Variants in NDUFAF6 observed in about 807,000 individuals in gnomAD.
The protein encoded by NDUFAF6 is NADH:ubiquinone oxidoreductase complex assembly factor 6.
NDUFAF6 carries 45 observed loss-of-function variants against 40.8 expected under a neutral mutation model. The observed-to-expected ratio is 1.10, with a 90% CI of 0.87 to 1.42. The LOEUF (loss-of-function observed/expected upper bound fraction) is 1.42. Ranked by LOEUF, NDUFAF6 falls within the 40% of genes most tolerant of loss-of-function variation. The pLI, the probability that NDUFAF6 is intolerant of heterozygous loss-of-function variation, is 0.00. For missense variants in NDUFAF6, 435 were observed against 418.5 expected (o/e 1.04, Z -0.34); for synonymous variants, 185 against 155.9 (o/e 1.19, Z -1.39).
At chr8:94,966,715 C>T (rs925581144) in intron 1 of NDUFAF6, among the ~76,000 whole-genome samples, 4 of 152,216 alleles carry the variant, frequency 2.6e-5, no homozygotes, top group African/African-American at 9.6e-5. Flanking sequence ...CACTCAGGCT[C>T]TCTTTTTCTT....
At chr8:94,955,661 GAAAAT>G (rs1823014065), upstream of NDUFAF6, among the ~76,000 whole-genome samples, 1 of 152,148 alleles carries the variant, frequency 6.6e-6, no homozygotes. Context: ...GATTTTAAAA[GAAAAT>G]AAAAGGAAAA....
chr8:95,101,825 T>C (rs925686790), intron 2 of NDUFAF6, among the ~76,000 whole-genome samples: 2 of 152,154 alleles, frequency 1.3e-5, no homozygotes, highest in Non-Finnish European at 2.9e-5. Flanking sequence ...AATTGGCTTC[T>C]GTAACTGAAA....
At chr8:95,028,945 G>A (rs755185204) in intron 1 of NDUFAF6, among the ~76,000 whole-genome samples, 1 of 152,178 alleles carries the variant, frequency 6.6e-6, no homozygotes, top group Non-Finnish European at 1.5e-5. Context: ...TTCCCCAAAG[G>A]TGAAACTGCT....
intron 1 of NDUFAF6, among the ~76,000 whole-genome samples, chr8:94,902,495 G>C (rs1818089369): frequency 6.6e-6 from 1 of 151,298 alleles, no homozygotes. Flanking sequence ...CTCTTATCAA[G>C]TTGTGGAACA....
At chr8:95,013,249 AC>A (rs1827299798) in intron 2 of NDUFAF6, among the ~76,000 whole-genome samples, 1 of 152,076 alleles carries the variant, frequency 6.6e-6, no homozygotes, top group Admixed American at 6.6e-5. Flanking sequence ...ACAGGTGTAC[AC>A]CACCACACCT....
chr8:94,928,131 T>A (rs1196926399), intron 1 of NDUFAF6: 1 of 152,094 alleles, frequency 6.6e-6, no homozygotes, highest in Non-Finnish European at 1.5e-5. Context: ...GGTGGTGTGG[T>A]AATCCCAACC....
At position 94,985,661 on chromosome 8, in the gene NDUFAF6, G is replaced by A. The variant is rs527903450; in HGVS notation, c.-84+4688G>A. ...AGCAATTCTCCTGCCTCAGCCTTCCGAGTAGGTGGGATTACAGGCATGCAC... is the reference window on the plus strand; with the variant it reads ...AGCAATTCTCCTGCCTCAGCCTTCCAAGTAGGTGGGATTACAGGCATGCAC... On this transcript the variant is annotated intron_variant, in intron 2 of 9. Coordinates refer to the NDUFAF6 transcript ENST00000396111. 2.0e-3 allele frequency among the ~76,000 whole-genome samples: 265 copies of A among 134,898 alleles called. 2 individuals carry two copies. Among genetic ancestry groups the A allele is most frequent in the Non-Finnish European group, 3.4e-3 (213 of 62,604 alleles). The allele number at this position is 134,898 out of a possible 152,430, so 88.5% of individuals were successfully genotyped here. A position where few individuals can be genotyped will look rare whatever the true frequency, so the allele number is the denominator to read the frequency against.
intron 2 of NDUFAF6, among the ~76,000 whole-genome samples, chr8:95,001,802 G>A (rs1405326733): frequency 1.3e-5 from 2 of 152,212 alleles, no homozygotes; most frequent in African/African-American, 4.8e-5. Flanking sequence ...TTTGGTTTGA[G>A]TCATTCACAG....
At chr8:94,943,314 T>G (rs1821718647) in intron 1 of NDUFAF6, among the ~76,000 whole-genome samples, 1 of 152,132 alleles carries the variant, frequency 6.6e-6, no homozygotes, top group Non-Finnish European at 1.5e-5. Context: ...CAAAATAACC[T>G]GTTTCTACAA....
chr8:95,091,144 G>A (rs184140180), intron 2 of NDUFAF6, among the ~76,000 whole-genome samples: 1 of 152,100 alleles, frequency 6.6e-6, no homozygotes, highest in East Asian at 1.9e-4. Context: ...AACACCTGCT[G>A]TATTAGTCCG....
At chr8:95,000,632 CA>C (rs567449511) in intron 2 of NDUFAF6, among the ~76,000 whole-genome samples, 2,275 of 114,156 alleles carry the variant, frequency 0.02, 31 homozygotes, top group African/African-American at 0.05. Context: ...ACATAGTAAG[CA>C]AAAAAAAAAA....
chr8:94,962,675 C>T (rs1471051131), intron 1 of NDUFAF6, among the ~76,000 whole-genome samples: 2 of 151,058 alleles, frequency 1.3e-5, no homozygotes, highest in Non-Finnish European at 2.9e-5. Context: ...TACAGTGGTG[C>T]GACCATAGCT....
chr8:94,917,851 G>T (rs1032506381), intron 1 of NDUFAF6, among the ~76,000 whole-genome samples: 1 of 152,080 alleles, frequency 6.6e-6, no homozygotes, highest in African/African-American at 2.4e-5. Context: ...TATTCAGTTT[G>T]CTTTAAGAAT....
chr8:94,974,586 T>C (rs1369688925), intron 1 of NDUFAF6: 1 of 152,286 alleles, frequency 6.6e-6, no homozygotes, highest in African/African-American at 2.4e-5. Context: ...ATGCTGCAGA[T>C]AGGAACCCCA....
rs192542596 is a variant in NDUFAF6 at position 94,898,554 on chromosome 8, T to C, written c.-936+2627T>C. The stretch of plus-strand genomic sequence containing the variant: ...GAGTTCATACCGACATCATGATTTA[T>C]TACTGTTGATGTTGATCTTGACCGC... On this transcript the variant is annotated intron_variant, in intron 1 of 14. Transcript: ENST00000396113. Among the ~76,000 whole-genome samples, 6 of 152,340 alleles carry C rather than the reference T, an allele frequency of 3.9e-5. No homozygotes were observed. In the East Asian group the frequency reaches 1.2e-3, roughly 29 times the overall value.
At chr8:95,088,941 T>TA (rs1300970422) in intron 2 of NDUFAF6, among the ~76,000 whole-genome samples, 2 of 151,592 alleles carry the variant, frequency 1.3e-5, no homozygotes, top group South Asian at 2.1e-4. Flanking sequence ...TGTATTTTTT[T>TA]AGTAGAGACA....
intron 2 of NDUFAF6, among the ~76,000 whole-genome samples, chr8:95,009,775 G>T (rs915997250): frequency 2.6e-5 from 4 of 152,134 alleles, no homozygotes; most frequent in Non-Finnish European, 5.9e-5. Context: ...GCAGAGAAAG[G>T]AGTATTTAGA....
chr8:94,942,330 G>A (rs1195458623), intron 1 of NDUFAF6, among the ~76,000 whole-genome samples: 3 of 151,828 alleles, frequency 2.0e-5, no homozygotes, highest in East Asian at 1.9e-4. Flanking sequence ...GTGAGCTGCC[G>A]CACCCGCATG....
chr8:95,062,500 CA>C (rs1262013619), downstream of NDUFAF6, among the ~76,000 whole-genome samples: 3 of 152,170 alleles, frequency 2.0e-5, no homozygotes, highest in African/African-American at 7.2e-5. Context: ...ATGTTTTAGA[CA>C]GGATGTGTCC....
Sources: allele counts gnomAD v4.1 joint callset (sites outside exome capture counted in the v4.1 genomes callset), GRCh38; gene constraint gnomAD v4.1.1; transcripts MANE v1.5; gene names NCBI Gene and HGNC (gene_info 2026-07-23, HGNC 2026-07-21).